Variants in UQCR11 observed in about 807,000 individuals in gnomAD.
The protein encoded by UQCR11 is cytochrome b-c1 complex subunit 10.
UQCR11 carries 10 observed loss-of-function variants against 7.6 expected under a neutral mutation model. The observed-to-expected ratio is 1.31, with a 90% CI of 0.81 to 2.22. The LOEUF (loss-of-function observed/expected upper bound fraction) is 2.22. Ranked by LOEUF, UQCR11 falls within the 30% of genes most tolerant of loss-of-function variation. The pLI is 0.00. For synonymous variants in UQCR11, 34 were observed against 34.9 expected, an observed-to-expected ratio of 0.97 and a Z score of 0.09; for missense variants, 86 against 75.1, an observed-to-expected ratio of 1.15 and a Z score of -0.54.
rs746145616 is a variant in UQCR11, at chr19:1,599,432, T to G, written c.*8A>C. On this transcript the variant is annotated 3_prime_UTR_variant, in exon 2 of 3. Transcript: ENST00000591899. ...CTTACCAGAGCAGTCTGTGAAGGGT[T>G]TGTGTAATTAATTATCCTTCTTAAA... The G allele has an allele frequency of 6.2e-7, 1 of 1,613,566 alleles. No individual in the cohort carries two copies. Among genetic ancestry groups the G allele is most frequent in the Non-Finnish European group, 8.5e-7 (1 of 1,179,896 alleles).
chr19:1,602,412 T>C (rs2060750014), intron 1 of UQCR11: 2 of 152,282 alleles, frequency 1.3e-5, no homozygotes, highest in Admixed American at 6.5e-5. Context: ...TCGCACGTGT[T>C]GTCTTGATGG....
intron 2 of UQCR11, among the ~76,000 whole-genome samples, chr19:1,598,709 CA>C (rs568479081): frequency 6.6e-6 from 1 of 151,170 alleles, no homozygotes; most frequent in Non-Finnish European, 1.5e-5. Flanking sequence ...GACTCCGTCT[CA>C]AAAAAAAAGA....
chr19:1,600,148 C>G (rs2060743082), intron 1 of UQCR11, among the ~76,000 whole-genome samples: 1 of 146,750 alleles, frequency 6.8e-6, no homozygotes, highest in Non-Finnish European at 1.5e-5. Context: ...TCTAGGAAGG[C>G]CCAGCAAACC....
intron 1 of UQCR11, among the ~76,000 whole-genome samples, chr19:1,601,656 A>T (rs2060747563): frequency 6.6e-6 from 1 of 151,714 alleles, no homozygotes; most frequent in Non-Finnish European, 1.5e-5. Context: ...CCCGTGAGTG[A>T]TCGTGGAAAC....
At chr19:1,599,893 T>C (rs2145620024) in intron 1 of UQCR11, among the ~76,000 whole-genome samples, 1 of 152,340 alleles carries the variant, frequency 6.6e-6, no homozygotes, top group South Asian at 2.1e-4. Flanking sequence ...AATTCATCCA[T>C]CCCTGCCACA....
chr19:1,605,270 C>G, intron 1 of UQCR11, 90 bp downstream of exon 1: 2 of 1,403,416 alleles, frequency 1.4e-6, no homozygotes, highest in Non-Finnish European at 1.9e-6. Flanking sequence ...CCCGGCCCGG[C>G]CCCCGGAAAC....
Position 1,599,538 on chromosome 19 carries a change from C to G in UQCR11, c.73G>C (p.Gly25Arg), listed in dbSNP as rs771728944. ...ACCAGCCCCACGGCGCCCACAGCGC[C>G]CCATGTGTAGGCCGTCGGGACCCTG... ...KNWVPTAYTWGAVGAVGLVWA... is the reference protein window; with the variant it reads ...KNWVPTAYTWRAVGAVGLVWA... Residue 25 changes from glycine to arginine, a missense_variant, in exon 2 of 3, where the codon GGC (glycine) becomes CGC (arginine). Transcript: ENST00000591899. 5 of 1,612,152 alleles carry G rather than the reference C, an allele frequency of 3.1e-6. No homozygotes were observed. Among genetic ancestry groups the G allele is most frequent in the Non-Finnish European group, 4.2e-6 (5 of 1,179,978 alleles).
In UQCR11 at chr19:1,605,360, C is replaced by A; in HGVS notation, c.50G>T (p.Trp17Leu). ...GPRYRELVKNWVPTAYTWGAV... is the reference protein window; with the variant it reads ...GPRYRELVKNLVPTAYTWGAV... The stretch of plus-strand genomic sequence containing the variant: ...TGGGGCCGCGGGTCGGCGTCCTCAC[C>A]AGTTCTTGACCAGCTCCCGGTAGCG... Residue 17 changes from tryptophan (W) to leucine (L), a missense_variant and splice_region_variant, in exon 1 of 3, where the codon TGG (tryptophan) becomes TTG (leucine). Trp to Leu is a moderately conservative substitution (Grantham distance 61). Coordinates refer to ENST00000591899, the MANE Select transcript of UQCR11 (RefSeq NM_006830.4). 5.1e-6 allele frequency: 8 copies of A among 1,579,736 alleles called. No homozygotes were observed. The highest frequency in any genetic ancestry group is 6.9e-6 in the Non-Finnish European group (8 of 1,167,176).
intron 1 of UQCR11, 133 bp from the exon 2 acceptor site, chr19:1,599,693 G>T (rs1461914841): frequency 7.2e-7 from 1 of 1,385,794 alleles, no homozygotes; most frequent in Non-Finnish European, 9.6e-7. Flanking sequence ...GCCCAGTGCT[G>T]TGAGCCCTGA....
intron 1 of UQCR11, among the ~76,000 whole-genome samples, chr19:1,600,971 C>G (rs1273287036): frequency 6.6e-6 from 1 of 151,434 alleles, no homozygotes; most frequent in East Asian, 2.0e-4. Context: ...GAGTTCAAGA[C>G]CAGCCTGGGA....
At chr19:1,598,731 C>T (rs1419773191) in intron 2 of UQCR11, among the ~76,000 whole-genome samples, 1 of 152,208 alleles carries the variant, frequency 6.6e-6, no homozygotes, top group Admixed American at 6.5e-5. Flanking sequence ...AACGTCCCTT[C>T]CATATGAAGC....
At chr19:1,599,650 G>A (rs1273438938) in intron 1 of UQCR11, 90 bp from the exon 2 acceptor site, 4 of 1,535,538 alleles carry the variant, frequency 2.6e-6, no homozygotes, top group Non-Finnish European at 3.5e-6. Flanking sequence ...CCTGAGCGGT[G>A]ATGGCTGAGG....
intron 1 of UQCR11, among the ~76,000 whole-genome samples, chr19:1,600,830 C>T (rs1232786638): frequency 6.6e-6 from 1 of 152,088 alleles, no homozygotes; most frequent in Non-Finnish European, 1.5e-5. Context: ...CACCAACTGC[C>T]TTCCAGCCTC....
intron 1 of UQCR11, among the ~76,000 whole-genome samples, chr19:1,600,845 AAT>A (rs2060745298): frequency 6.6e-6 from 1 of 152,142 alleles, no homozygotes; most frequent in South Asian, 2.1e-4. Context: ...AGCCTCGGTA[AAT>A]ATGAGACCAT....
At position 1,597,773 on chromosome 19, in the gene UQCR11, A is replaced by T. The variant is rs1011584148; in HGVS notation, c.*471T>A. The T allele has an allele frequency of 2.0e-5, 3 of 152,252 alleles. No homozygotes were observed. Among genetic ancestry groups the T allele is most frequent in the African/African-American group, 7.2e-5 (3 of 41,468 alleles). 9.4% of individuals were successfully genotyped at this position (152,252 alleles called of 1,614,324 possible). ...CTCTGGGCCACAACCACCCAGATAC[A>T]TCACTCCCAAATCCCCGACTGACAC... On this transcript the variant is annotated 3_prime_UTR_variant, in exon 3 of 3. Transcript: ENST00000591899.
intron 1 of UQCR11, 147 bp from the exon 2 acceptor site, chr19:1,599,707 C>T (rs2060741696): frequency 1.6e-6 from 2 of 1,287,506 alleles, no homozygotes; most frequent in African/African-American, 1.5e-5. Context: ...GCCCTGAGGG[C>T]TGGCACCAGC....
Position 1,599,437 on chromosome 19 carries a change from T to C in UQCR11, c.*3A>G. 1 of 1,613,684 alleles carries C rather than the reference T, an allele frequency of 6.2e-7. No individual in the cohort carries two copies. The highest frequency in any genetic ancestry group is 8.5e-7 in the Non-Finnish European group (1 of 1,179,924). ...CAGAGCAGTCTGTGAAGGGTTTGTG[T>C]AATTAATTATCCTTCTTAAACTTGC... On this transcript the variant is annotated 3_prime_UTR_variant, in exon 2 of 3. Coordinates refer to ENST00000591899, the MANE Select transcript of UQCR11 (RefSeq NM_006830.4).
At chr19:1,601,928 G>C (rs912438649) in intron 1 of UQCR11, 1 of 152,148 alleles carries the variant, frequency 6.6e-6, no homozygotes, top group South Asian at 2.1e-4. Context: ...TCCGGAGGCC[G>C]AGGCGGGTGG....
intron 1 of UQCR11, among the ~76,000 whole-genome samples, chr19:1,604,192 G>A (rs1185066940): frequency 1.3e-5 from 2 of 152,174 alleles, no homozygotes; most frequent in African/African-American, 2.4e-5. Flanking sequence ...TGATTCGCCC[G>A]CCTTGGCCTC....
Sources: gnomAD v4.1 joint callset for allele counts (sites outside exome capture counted in the v4.1 genomes callset) on GRCh38, gnomAD v4.1.1 for gene constraint, MANE v1.5 for transcripts, NCBI Gene and HGNC (gene_info 2026-07-23, HGNC 2026-07-21) for gene names.